ALPK1: variants seen among roughly 807,000 people sequenced by gnomAD.
The protein encoded by ALPK1 is alpha-protein kinase 1.
In ALPK1, 110 loss-of-function variants were observed where a neutral mutation model predicts 120.6. The observed-to-expected ratio is 0.91, with a 90% CI of 0.78 to 1.07. The LOEUF (loss-of-function observed/expected upper bound fraction) is 1.07, where lower values mean the gene tolerates loss of function less well. Ranked by LOEUF, ALPK1 falls within the 50% of genes least tolerant of loss-of-function variation. The pLI is 0.00. For missense variants in ALPK1, 1,498 were observed against 1,483.9 expected, an observed-to-expected ratio of 1.01 and a Z score of -0.16; for synonymous variants, 582 against 560.3, an observed-to-expected ratio of 1.04 and a Z score of -0.55.
At chr4:112,373,674 G>A (rs1220880470) in intron 2 of ALPK1, among the ~76,000 whole-genome samples, 1 of 152,046 alleles carries the variant, frequency 6.6e-6, no homozygotes, top group Non-Finnish European at 1.5e-5. Context: ...GATCACTTGA[G>A]CCTAGGAGTT....
chr4:112,419,782 G>A (rs1733909135), intron 5 of ALPK1, among the ~76,000 whole-genome samples: 1 of 152,218 alleles, frequency 6.6e-6, no homozygotes, highest in Admixed American at 6.5e-5. Context: ...TTTAGCACTG[G>A]TGAGTTTGGA....
chr4:112,326,683 T>C (rs1401158954), intron 2 of ALPK1, among the ~76,000 whole-genome samples: 1 of 152,172 alleles, frequency 6.6e-6, no homozygotes, highest in East Asian at 1.9e-4. Flanking sequence ...TTCCTAATGG[T>C]CTTCTTAAAA....
Position 112,431,658 on chromosome 4 carries a change from T to C in ALPK1, c.2111T>C (p.Met704Thr). ...GAAGGTATCCAGGAAGTCAGAAATA[T>C]GGGACCCAGAAATACTTCTGCTCAC... ...APEGIQEVRN[M>T]GPRNTSAHSR... The change falls in exon 11 of 16, where the codon ATG becomes ACG. Residue 704 changes from methionine to threonine, a missense_variant. Physicochemically the swap from Met to Thr is moderately conservative, Grantham distance 81. Transcript: ENST00000650871. 1.2e-6 allele frequency: 2 copies of C among 1,614,196 alleles called. No individual in the cohort carries two copies. Among genetic ancestry groups the C allele is most frequent in the South Asian group, 1.1e-5 (1 of 91,080 alleles).
Position 112,377,694 on chromosome 4 carries a change from G to A in ALPK1, c.-84G>A. 7.4e-7 allele frequency: 1 copy of A among 1,349,750 alleles called. No individual in the cohort carries two copies. Among genetic ancestry groups the A allele is most frequent in the African/African-American group, 1.5e-5 (1 of 67,736 alleles). 83.6% of individuals were successfully genotyped at this position (1,349,750 alleles called of 1,614,324 possible). A position where few individuals can be genotyped will look rare whatever the true frequency, so the allele number is the denominator to read the frequency against. ...GTTCACCAGGTACTTCGGCCTTCAA[G>A]GGGCTCCTTTATTGAGAATCAATGT... On this transcript the variant is annotated 5_prime_UTR_variant, in exon 3 of 16. Transcript: ENST00000650871.
intron 5 of ALPK1, among the ~76,000 whole-genome samples, chr4:112,413,791 A>G (rs1733603880): frequency 6.6e-6 from 1 of 152,156 alleles, no homozygotes; most frequent in Non-Finnish European, 1.5e-5. Flanking sequence ...ACCAGGTGGT[A>G]TAGCAGTTTT....
chr4:112,397,091 TCTTTA>T (rs1266227690), intron 4 of ALPK1, among the ~76,000 whole-genome samples: 2 of 152,200 alleles, frequency 1.3e-5, no homozygotes, highest in Admixed American at 1.3e-4. Context: ...GGCGTTGTTA[TCTTTA>T]CTTTATAGAT....
intron 2 of ALPK1, among the ~76,000 whole-genome samples, chr4:112,354,764 G>A (rs1730526475): frequency 6.6e-6 from 1 of 151,900 alleles, no homozygotes; most frequent in Non-Finnish European, 1.5e-5. Flanking sequence ...CACCATGCCT[G>A]GACTGTAAGA....
intron 6 of ALPK1, 89 bp from the exon 7 acceptor site, chr4:112,425,576 A>T: frequency 9.5e-7 from 1 of 1,055,296 alleles, no homozygotes; most frequent in Non-Finnish European, 1.5e-6. Flanking sequence ...ATGATGTCAC[A>T]TGTGCTCATG....
At chr4:112,298,628 ATTACT>A (rs1727647476) in intron 1 of ALPK1, among the ~76,000 whole-genome samples, 1 of 152,188 alleles carries the variant, frequency 6.6e-6, no homozygotes, top group South Asian at 2.1e-4. Context: ...GAAGCCAATA[ATTACT>A]TTAAACTTTT....
intron 4 of ALPK1, among the ~76,000 whole-genome samples, chr4:112,386,789 A>G (rs1022136038): frequency 6.6e-6 from 1 of 152,208 alleles, no homozygotes; most frequent in Non-Finnish European, 1.5e-5. Context: ...ATTTAATTGT[A>G]TATCGCCTGA....
intron 2 of ALPK1, chr4:112,357,365 G>T: frequency 1.4e-6 from 1 of 717,816 alleles, no homozygotes. Flanking sequence ...TGGTTCCCTG[G>T]CAGGGCTGGG....
rs116270958 is a variant in ALPK1 at position 112,396,222 on chromosome 4, T to A, written c.276+13670T>A. On this transcript the variant is annotated intron_variant, in intron 4 of 15. Coordinates refer to ENST00000650871, the MANE Select transcript of ALPK1 (RefSeq NM_025144.4). The stretch of plus-strand genomic sequence containing the variant: ...ATAGCATACTGTTGTCAGCCACTTG[T>A]CATCACAGAACAGGCTGACACAAAA... Among the ~76,000 whole-genome samples, 513 of 152,334 alleles carry A rather than the reference T, an allele frequency of 3.4e-3. 3 individuals are homozygous for A. The highest frequency in any genetic ancestry group is 0.012 in the African/African-American group (495 of 41,572).
At chr4:112,421,600 C>A (rs1733993774) in intron 5 of ALPK1, among the ~76,000 whole-genome samples, 1 of 152,158 alleles carries the variant, frequency 6.6e-6, no homozygotes, top group South Asian at 2.1e-4. Context: ...AAATGGAATA[C>A]AGTAGTCCCC....
intron 1 of ALPK1, among the ~76,000 whole-genome samples, chr4:112,312,422 G>A (rs1195758244): frequency 6.6e-6 from 1 of 151,946 alleles, no homozygotes; most frequent in African/African-American, 2.4e-5. Flanking sequence ...ACAGGCACCC[G>A]CCACCACGCC....
chr4:112,307,634 T>G (rs1578447654), intron 1 of ALPK1, among the ~76,000 whole-genome samples: 1 of 152,128 alleles, frequency 6.6e-6, no homozygotes, highest in Non-Finnish European at 1.5e-5. Context: ...TTTGAGCCTA[T>G]GTGTGTCTCT....
intron 2 of ALPK1, chr4:112,359,107 C>A: frequency 6.9e-6 from 5 of 724,878 alleles, no homozygotes; most frequent in Non-Finnish European, 1.3e-5. Context: ...CCCAAGCTGA[C>A]CCTGTCCAAG....
Position 112,377,668 on chromosome 4 carries a change from T to C in ALPK1, c.-100-10T>C. 2 of 1,060,334 alleles carry C rather than the reference T, an allele frequency of 1.9e-6. No homozygotes were observed. Among genetic ancestry groups the C allele is most frequent in the East Asian group, 5.6e-5 (2 of 35,708 alleles). The allele number at this position is 1,060,334 out of a possible 1,614,324, so 65.7% of individuals were successfully genotyped here. A position where few individuals can be genotyped will look rare whatever the true frequency, so the allele number is the denominator to read the frequency against. On this transcript the variant is annotated splice_polypyrimidine_tract_variant and intron_variant, in intron 2 of 15. Coordinates refer to ENST00000650871, the MANE Select transcript of ALPK1 (RefSeq NM_025144.4). Reference sequence around the variant, plus strand: ...CAGTTAATCATCTTTCCCTCTCTTTTGTTCACCAGGTACTTCGGCCTTCAA... The same window carrying C: ...CAGTTAATCATCTTTCCCTCTCTTTCGTTCACCAGGTACTTCGGCCTTCAA...
chr4:112,329,015 T>G (rs2148699506), intron 2 of ALPK1, among the ~76,000 whole-genome samples: 1 of 152,340 alleles, frequency 6.6e-6, no homozygotes, highest in African/African-American at 2.4e-5. Context: ...TTTCTACACA[T>G]TGGCCTCCCC....
chr4:112,303,332 A>G (rs1324156026), intron 1 of ALPK1, among the ~76,000 whole-genome samples: 1 of 152,208 alleles, frequency 6.6e-6, no homozygotes, highest in Admixed American at 6.5e-5. Context: ...AACATTTTCA[A>G]AATTGGATTC....
Sources: gnomAD v4.1 joint callset for allele counts (sites outside exome capture counted in the v4.1 genomes callset) on GRCh38, gnomAD v4.1.1 for gene constraint, MANE v1.5 for transcripts, NCBI Gene and HGNC (gene_info 2026-07-23, HGNC 2026-07-21) for gene names.